The following GALNT18 variants were observed in gnomAD, a reference collection of about 807,000 sequenced individuals.
GALNT18 encodes GalNAc-transferase 18.
Under a neutral mutation model 69.5 loss-of-function variants are expected in GALNT18, and 44 were observed. The ratio of observed to expected loss-of-function variants is 0.63; its 90% confidence interval spans 0.50 to 0.81. The LOEUF is 0.81. GALNT18 is among the 40% of genes least tolerant of loss of function. GALNT18 has a pLI of 0.00. For synonymous variants in GALNT18, 364 were observed against 318.2 expected (o/e 1.14, Z -1.53); for missense variants, 715 against 810.0 (o/e 0.88, Z 1.42).
chr11:11,296,605 T>A (rs1033842871), intron 9 of GALNT18, among the ~76,000 whole-genome samples: 1 of 152,220 alleles, frequency 6.6e-6, no homozygotes, highest in African/African-American at 2.4e-5. Context: ...CACAAGTGGC[T>A]ACTCAGGTAA....
intron 9 of GALNT18, among the ~76,000 whole-genome samples, chr11:11,294,852 T>C (rs1849367629): frequency 6.6e-6 from 1 of 152,172 alleles, no homozygotes; most frequent in Non-Finnish European, 1.5e-5. Context: ...ATTAACATGC[T>C]GCTACCCTCA....
intron 9 of GALNT18, among the ~76,000 whole-genome samples, chr11:11,319,711 T>C (rs1849812246): frequency 6.6e-6 from 1 of 152,182 alleles, no homozygotes; most frequent in Non-Finnish European, 1.5e-5. Context: ...GATGTCAAAA[T>C]AACCTGAGCC....
chr11:11,326,031 T>C (rs1209519609), intron 9 of GALNT18, among the ~76,000 whole-genome samples: 1 of 148,898 alleles, frequency 6.7e-6, no homozygotes. Context: ...ATATCTTACA[T>C]GCTAAATATC....
At chr11:11,334,830 GC>G (rs1248371645) in intron 7 of GALNT18, among the ~76,000 whole-genome samples, 1 of 152,080 alleles carries the variant, frequency 6.6e-6, no homozygotes, top group Non-Finnish European at 1.5e-5. Flanking sequence ...TCACCTCTGT[GC>G]CCCCAGGCCT....
chr11:11,391,040 C>T (rs546097967), intron 3 of GALNT18, among the ~76,000 whole-genome samples: 1 of 152,324 alleles, frequency 6.6e-6, no homozygotes, highest in African/African-American at 2.4e-5. Context: ...TCCCTTCCTC[C>T]TTTCCAAAGG....
intron 1 of GALNT18, among the ~76,000 whole-genome samples, chr11:11,549,533 A>G (rs1858141691): frequency 2.0e-5 from 3 of 152,184 alleles, no homozygotes; most frequent in Admixed American, 1.3e-4. Context: ...CCAGTCCTTC[A>G]TAAGAAGTTG....
At chr11:11,334,936 G>A (rs113017546) in intron 7 of GALNT18, among the ~76,000 whole-genome samples, 3 of 152,184 alleles carry the variant, frequency 2.0e-5, no homozygotes, top group African/African-American at 2.4e-5. Context: ...CTTCCACTCC[G>A]ACCCTAAAGC....
At chr11:11,398,082 A>G (rs2133730711) in intron 3 of GALNT18, among the ~76,000 whole-genome samples, 1 of 152,378 alleles carries the variant, frequency 6.6e-6, no homozygotes, top group South Asian at 2.1e-4. Flanking sequence ...TTTAATCTTC[A>G]AAACAACCCT....
intron 1 of GALNT18, among the ~76,000 whole-genome samples, chr11:11,499,152 C>G (rs1856926129): frequency 6.6e-6 from 1 of 152,118 alleles, no homozygotes; most frequent in South Asian, 2.1e-4. Flanking sequence ...GATCAGCCAG[C>G]CTTAGAACTG....
chr11:11,577,219 T>A (rs1858947854), intron 1 of GALNT18, among the ~76,000 whole-genome samples: 2 of 152,170 alleles, frequency 1.3e-5, no homozygotes, highest in South Asian at 4.1e-4. Context: ...ATGGTAGCCA[T>A]TATTCTGATT....
Position 11,327,092 on chromosome 11 carries a change from C to T in GALNT18, c.1506G>A (p.Thr502=), listed in dbSNP as rs770704827. The change falls in exon 9 of 11, where the codon ACG becomes ACA. Residue 502 remains threonine (T), a synonymous_variant. Transcript: ENST00000227756. ...VPIMYICHGM[T]PQNVYYTSSQ... is the part of the protein sequence containing the mutation. The stretch of plus-strand genomic sequence containing the variant: ...AATCTCTTAGAGGACTCACCTGAGG[C>T]GTCATCCCATGGCAGATGTACATGA... The T allele has an allele frequency of 4.4e-5, 71 of 1,610,834 alleles. No homozygotes were observed. The highest frequency in any genetic ancestry group is 3.3e-4 in the Middle Eastern group (2 of 6,072).
At chr11:11,490,233 T>TCTC (rs1856737750) in intron 1 of GALNT18, among the ~76,000 whole-genome samples, 3 of 51,380 alleles carry the variant, frequency 5.8e-5, no homozygotes, top group African/African-American at 2.3e-4. Flanking sequence ...TCTCTCTCTC[T>TCTC]AACACACACA....
At chr11:11,556,755 G>C (rs933207054) in intron 1 of GALNT18, among the ~76,000 whole-genome samples, 1 of 152,194 alleles carries the variant, frequency 6.6e-6, no homozygotes, top group African/African-American at 2.4e-5. Flanking sequence ...TAGCTAACAG[G>C]AGTGGCTAAT....
rs1590052363 is a variant in GALNT18 at position 11,496,311 on chromosome 11, A to C, written c.236-47375T>G. On this transcript the variant is annotated intron_variant, in intron 1 of 10. Coordinates refer to ENST00000227756, the MANE Select transcript of GALNT18 (RefSeq NM_198516.3). This position sits in a 1 kb window ranked among gnomAD's most constrained non-coding sequence, Gnocchi z 4.0. ...TTCTGTGGTTCACCTATCACCAAAA[A>C]CCCTAGCATCAGCAACACTCCACAT... 1.3e-5 allele frequency among the ~76,000 whole-genome samples: 2 copies of C among 151,922 alleles called. No homozygotes were observed. The highest frequency in any genetic ancestry group is 4.8e-5 in the African/African-American group (2 of 41,350).
chr11:11,567,731 T>C (rs1334464251), intron 1 of GALNT18, among the ~76,000 whole-genome samples: 3 of 152,302 alleles, frequency 2.0e-5, no homozygotes, highest in East Asian at 1.9e-4. Context: ...ATGGCATTGT[T>C]TGGGAATCAA....
chr11:11,470,168 C>T lies in GALNT18; in HGVS notation c.236-21232G>A, dbSNP rs1856239813. On this transcript the variant is annotated intron_variant, in intron 1 of 10. Coordinates refer to ENST00000227756, the MANE Select transcript of GALNT18 (RefSeq NM_198516.3). The surrounding 1 kb of genome is among the most constrained non-coding windows in gnomAD (Gnocchi z 4.8). Reference sequence around the variant, plus strand: ...CCTTGAGAAGTCTCACAGCCAGCCCCCATCCATGCTTGACCACAGCTGTTA... The same window carrying T: ...CCTTGAGAAGTCTCACAGCCAGCCCTCATCCATGCTTGACCACAGCTGTTA... 6.6e-6 allele frequency among the ~76,000 whole-genome samples: 1 copy of T among 152,222 alleles called. No homozygotes were observed. Among genetic ancestry groups the T allele is most frequent in the Admixed American group, 6.5e-5 (1 of 15,282 alleles).
chr11:11,285,864 T>G (rs1849182742), intron 10 of GALNT18, among the ~76,000 whole-genome samples: 1 of 152,212 alleles, frequency 6.6e-6, no homozygotes. Context: ...CGTGCGTTAC[T>G]CATCTTGCAT....
rs1016086176 is a variant in GALNT18, at chr11:11,347,436, A to G, written c.1093-6432T>C. Among the ~76,000 whole-genome samples the G allele has an allele frequency of 1.3e-5, 2 of 152,198 alleles. No homozygotes were observed. The highest frequency in any genetic ancestry group is 2.1e-4 in the South Asian group (1 of 4,820). ...CATTTGCTTGTTAATATCCTTCTGA[A>G]GCACTGTGTTGGGAAGAATTCTGAG... On this transcript the variant is annotated intron_variant, in intron 6 of 10. Coordinates refer to ENST00000227756, the MANE Select transcript of GALNT18 (RefSeq NM_198516.3). The surrounding 1 kb of genome is among the most constrained non-coding windows in gnomAD (Gnocchi z 4.0).
intron 3 of GALNT18, among the ~76,000 whole-genome samples, chr11:11,397,272 AG>A (rs1854355991): frequency 6.6e-6 from 1 of 152,162 alleles, no homozygotes; most frequent in Non-Finnish European, 1.5e-5. Flanking sequence ...TTGAGAGAGA[AG>A]GGGAGGCCAG....
Sources: allele counts gnomAD v4.1 joint callset (sites outside exome capture counted in the v4.1 genomes callset), GRCh38; gene constraint gnomAD v4.1.1; non-coding constraint Gnocchi (gnomAD v3.1); transcripts MANE v1.5; gene names NCBI Gene and HGNC (gene_info 2026-07-23, HGNC 2026-07-21).